SNX29: variants seen among roughly 807,000 people sequenced by gnomAD.
SNX29 encodes the protein sorting nexin-29.
SNX29 carries 78 observed loss-of-function variants against 102.1 expected under a neutral mutation model. The observed-to-expected ratio is 0.76, with a 90% CI of 0.64 to 0.92. SNX29 has a LOEUF of 0.92. Ranked by LOEUF, SNX29 falls within the 40% of genes least tolerant of loss-of-function variation. The pLI is 0.00. For missense variants in SNX29, 1,280 were observed against 1,061.7 expected (o/e 1.21, Z -2.86); for synonymous variants, 580 against 414.5 (o/e 1.40, Z -4.85).
intron 1 of SNX29, among the ~76,000 whole-genome samples, chr16:11,996,211 G>C (rs1370291156): frequency 6.6e-6 from 1 of 152,040 alleles, no homozygotes; most frequent in Non-Finnish European, 1.5e-5. Flanking sequence ...GACCCCGTCT[G>C]TATAAAAAAT....
At chr16:12,386,969 A>C (rs919995331) in intron 16 of SNX29, among the ~76,000 whole-genome samples, 2 of 152,152 alleles carry the variant, frequency 1.3e-5, no homozygotes, top group African/African-American at 4.8e-5. Context: ...TACTAAAAAT[A>C]GAAAAATTAG....
chr16:12,027,431 C>A lies in SNX29; in HGVS notation c.234C>A (p.Ser78Arg), dbSNP rs759784334. The change falls in exon 4 of 21, where the codon AGC becomes AGA. Residue 78 changes from serine to arginine, a missense_variant. Ser to Arg is a moderately radical substitution (Grantham distance 110, BLOSUM62 -1). Coordinates refer to ENST00000566228, the MANE Select transcript of SNX29 (RefSeq NM_032167.5). ...TCAAGCAGGCAGCGGGCTTTGCCAG[C>A]AAAACCGAAACAGGTACTGCTCTGC... is the stretch of plus-strand genomic sequence containing the variant. The part of the protein sequence containing the change: ...AAIKQAAGFA[S>R]KTETEPVFWY... The A allele has an allele frequency of 1.9e-6, 3 of 1,613,930 alleles. No homozygotes were observed. Among genetic ancestry groups the A allele is most frequent in the Non-Finnish European group, 2.5e-6 (3 of 1,179,918 alleles).
intron 14 of SNX29, among the ~76,000 whole-genome samples, chr16:12,213,444 C>G (rs2077240636): frequency 6.6e-6 from 1 of 151,940 alleles, no homozygotes; most frequent in Admixed American, 6.6e-5. Flanking sequence ...TTCAAGTCAC[C>G]AAAAGCCATT....
intron 20 of SNX29, among the ~76,000 whole-genome samples, chr16:12,548,604 T>C (rs553728654): frequency 1.1e-4 from 16 of 152,308 alleles, no homozygotes; most frequent in African/African-American, 3.6e-4. Flanking sequence ...GCCCGGGTAC[T>C]CTGTCCAAGC....
intron 14 of SNX29, among the ~76,000 whole-genome samples, chr16:12,250,421 A>G (rs1421969618): frequency 1.3e-5 from 2 of 152,172 alleles, no homozygotes; most frequent in South Asian, 2.1e-4. Context: ...TCATGTTGCA[A>G]TGGCCTGTCA....
At chr16:11,978,604 G>A (rs2055353501) in intron 1 of SNX29, among the ~76,000 whole-genome samples, 1 of 152,160 alleles carries the variant, frequency 6.6e-6, no homozygotes, top group African/African-American at 2.4e-5. Flanking sequence ...CTAGTTATGA[G>A]AGGAGGGCTG....
intron 18 of SNX29, among the ~76,000 whole-genome samples, chr16:12,472,638 C>G (rs1315407304): frequency 1.3e-5 from 2 of 151,592 alleles, no homozygotes; most frequent in Admixed American, 6.6e-5. Flanking sequence ...ACAGTCAAGT[C>G]TCATAGGAAC....
intron 9 of SNX29, among the ~76,000 whole-genome samples, chr16:12,064,845 G>A (rs1031009843): frequency 6.6e-6 from 1 of 152,212 alleles, no homozygotes; most frequent in Non-Finnish European, 1.5e-5. Context: ...CCTTCTGAGG[G>A]ACATCTTCCT....
intron 16 of SNX29, among the ~76,000 whole-genome samples, chr16:12,371,815 G>A (rs1041484416): frequency 2.6e-5 from 4 of 152,082 alleles, no homozygotes; most frequent in African/African-American, 9.7e-5. Flanking sequence ...GGCAGATGGC[G>A]AAGCAGGACC....
At chr16:12,539,322 GTCTTT>G (rs1251043740) in intron 20 of SNX29, among the ~76,000 whole-genome samples, 9 of 148,762 alleles carry the variant, frequency 6.0e-5, no homozygotes, top group South Asian at 4.2e-4. Flanking sequence ...CTCTAGTTTT[GTCTTT>G]TCAAGAATGT....
chr16:12,292,633 G>C (rs1018226648), intron 15 of SNX29, among the ~76,000 whole-genome samples: 1 of 152,230 alleles, frequency 6.6e-6, no homozygotes, highest in Non-Finnish European at 1.5e-5. Context: ...AGCTTGAATG[G>C]CTTGTAGCAG....
chr16:12,336,082 G>C (rs1056040847), intron 15 of SNX29, among the ~76,000 whole-genome samples: 1 of 152,100 alleles, frequency 6.6e-6, no homozygotes, highest in African/African-American at 2.4e-5. Flanking sequence ...GAACCAGCTG[G>C]CATTTTGGGA....
chr16:12,539,299 C>T (rs1231781582), intron 20 of SNX29, among the ~76,000 whole-genome samples: 2 of 152,114 alleles, frequency 1.3e-5, no homozygotes, highest in African/African-American at 4.8e-5. Flanking sequence ...CCTCTAAGCC[C>T]TTGTCCCTCC....
At chr16:12,132,940 C>T (rs948780776) in intron 13 of SNX29, among the ~76,000 whole-genome samples, 4 of 152,230 alleles carry the variant, frequency 2.6e-5, no homozygotes, top group African/African-American at 9.6e-5. Flanking sequence ...GAACTTTCTT[C>T]TTGCTTCTGG....
intron 20 of SNX29, chr16:12,527,378 C>G (rs772382828): frequency 6.0e-6 from 3 of 503,206 alleles, no homozygotes; most frequent in South Asian, 4.9e-5. Flanking sequence ...AAATAAAAAT[C>G]TCCTGCCTAA....
chr16:12,406,045 C>A (rs57982830), intron 18 of SNX29, among the ~76,000 whole-genome samples: 5,109 of 150,184 alleles, frequency 0.034, 177 homozygotes, highest in East Asian at 0.19. Context: ...AAAAAGAAAA[C>A]AAGTATGCTA....
chr16:12,181,155 C>A lies in SNX29; in HGVS notation c.1596-18446C>A, dbSNP rs1019116103. ...CTCCTGGCTTTACTGCACTTCTCAA[C>A]GTGGCCCACCACGCTTTTATGAACC... is the stretch of plus-strand genomic sequence containing the variant. On this transcript the variant is annotated intron_variant, in intron 13 of 20. Coordinates refer to ENST00000566228, the MANE Select transcript of SNX29 (RefSeq NM_032167.5). 2.0e-5 allele frequency among the ~76,000 whole-genome samples: 3 copies of A among 152,166 alleles called. No homozygotes were observed. The South Asian group carries it at 6.2e-4, about 32-fold the overall frequency.
At chr16:12,288,363 T>C (rs550861087) in intron 15 of SNX29, among the ~76,000 whole-genome samples, 1 of 138,646 alleles carries the variant, frequency 7.2e-6, no homozygotes, top group African/African-American at 2.7e-5. Flanking sequence ...AATTTCTGCA[T>C]AAACGACCCC....
At chr16:12,317,534 C>T (rs557810592) in intron 15 of SNX29, among the ~76,000 whole-genome samples, 4 of 152,252 alleles carry the variant, frequency 2.6e-5, no homozygotes, top group South Asian at 2.1e-4. Context: ...AGGATGGGAA[C>T]GTGCTGCTTG....
Sources: gnomAD v4.1 joint callset for allele counts (sites outside exome capture counted in the v4.1 genomes callset) on GRCh38, gnomAD v4.1.1 for gene constraint, MANE v1.5 for transcripts, NCBI Gene and HGNC (gene_info 2026-07-23, HGNC 2026-07-21) for gene names.